Variants in CEP170 observed in about 807,000 individuals in gnomAD.
CEP170 encodes centrosomal protein 170, also known as centrosomal protein of 170 kDa.
Under a neutral mutation model 151.9 loss-of-function variants are expected in CEP170, and 21 were observed. That is an observed-to-expected ratio of 0.14 (90% CI 0.10 to 0.20). The LOEUF is 0.20. Ranked by LOEUF, CEP170 falls within the 10% of genes least tolerant of loss-of-function variation. CEP170 has a pLI of 1.00. For synonymous variants in CEP170, 356 were observed against 648.8 expected (o/e 0.55, Z 6.86); for missense variants, 964 against 1,892.9 (o/e 0.51, Z 9.11).
At chr1:243,226,981 C>T (rs1413194710) in intron 1 of CEP170, among the ~76,000 whole-genome samples, 1 of 152,140 alleles carries the variant, frequency 6.6e-6, no homozygotes, top group Non-Finnish European at 1.5e-5. Flanking sequence ...AGGAGTGAAA[C>T]TCCGTCTCAA....
At position 243,185,330 on chromosome 1, in the gene CEP170, G is replaced by A. The variant is rs1224641552; in HGVS notation, c.1566+449C>T. ...AGAAAACATACGGACAAAGAACAAA[G>A]CTAAAATAAGTATTTTCATCTTCCA... On this transcript the variant is annotated intron_variant, in intron 10 of 19. Coordinates refer to ENST00000366542, the MANE Select transcript of CEP170 (RefSeq NM_014812.3). This position sits in a 1 kb window ranked among gnomAD's most constrained non-coding sequence, Gnocchi z 4.9. Among the ~76,000 whole-genome samples the A allele has an allele frequency of 2.0e-5, 3 of 152,106 alleles. No individual in the cohort carries two copies. The East Asian group carries it at 5.8e-4, about 29-fold the overall frequency.
At chr1:243,178,309 A>G (rs944780118) in intron 10 of CEP170, among the ~76,000 whole-genome samples, 1 of 58,852 alleles carries the variant, frequency 1.7e-5, no homozygotes, top group Non-Finnish European at 4.4e-5. Context: ...ACTCTGCCTC[A>G]AAAAAAAAAA....
chr1:243,214,871 C>T (rs1306030305), intron 3 of CEP170, among the ~76,000 whole-genome samples: 1 of 151,788 alleles, frequency 6.6e-6, no homozygotes, highest in Non-Finnish European at 1.5e-5. Flanking sequence ...TTTTAATTAC[C>T]CTTTTATTTT....
In CEP170 at chr1:243,126,596, A is replaced by C. The variant is rs1391907781; in HGVS notation, c.4608T>G (p.Leu1536=). Residue 1536 remains leucine (L), a synonymous_variant, in exon 20 of 20, where the codon CTT becomes CTG. Coordinates refer to ENST00000366542, the MANE Select transcript of CEP170 (RefSeq NM_014812.3). The part of the protein sequence containing the change: ...NHHSPGQTPT[L]GQPEARALHP... The stretch of plus-strand genomic sequence containing the variant: ...GAAGAGCCCTAGCTTCTGGTTGGCC[A>C]AGTGTTGGTGTCTGACCCGGGCTGT... The C allele has an allele frequency of 6.3e-7, 1 of 1,575,286 alleles. No homozygotes were observed. Among genetic ancestry groups the C allele is most frequent in the African/African-American group, 1.4e-5 (1 of 74,070 alleles).
At chr1:243,220,355 TGA>T (rs1460480487) in intron 3 of CEP170, among the ~76,000 whole-genome samples, 1 of 151,824 alleles carries the variant, frequency 6.6e-6, no homozygotes, top group Non-Finnish European at 1.5e-5. Context: ...ATGCTAAATG[TGA>T]GAGTTTTCAG....
intron 13 of CEP170, among the ~76,000 whole-genome samples, chr1:243,160,346 T>G (rs2057965250): frequency 6.6e-6 from 1 of 152,112 alleles, no homozygotes; most frequent in Admixed American, 6.6e-5. Flanking sequence ...AGCATATATA[T>G]TAAAATGAAA....
chr1:243,128,358 C>T, intron 18 of CEP170, 58 bp from the exon 19 acceptor site: 1 of 1,452,830 alleles, frequency 6.9e-7, no homozygotes, highest in African/African-American at 1.4e-5. Context: ...TATCACTTTA[C>T]AAGCAATGAA....
At chr1:243,170,987 C>A (rs530325874) in intron 11 of CEP170, among the ~76,000 whole-genome samples, 1 of 152,130 alleles carries the variant, frequency 6.6e-6, no homozygotes, top group Admixed American at 6.5e-5. Flanking sequence ...CTGACACACG[C>A]GTATGTAAAA....
intron 17 of CEP170, among the ~76,000 whole-genome samples, chr1:243,133,355 A>C (rs2054640013): frequency 6.6e-6 from 1 of 152,274 alleles, no homozygotes; most frequent in Non-Finnish European, 1.5e-5. Flanking sequence ...TCAATGAATG[A>C]ATGAGTCTGG....
At chr1:243,131,588 A>C (rs2054420205) in intron 17 of CEP170, among the ~76,000 whole-genome samples, 1 of 152,024 alleles carries the variant, frequency 6.6e-6, no homozygotes, top group Non-Finnish European at 1.5e-5. Flanking sequence ...TTATGAAATA[A>C]ACTTTACTAT....
chr1:243,154,542 T>G (rs904097797), intron 14 of CEP170, among the ~76,000 whole-genome samples: 1 of 152,212 alleles, frequency 6.6e-6, no homozygotes, highest in African/African-American at 2.4e-5. Context: ...CTTTGAGATA[T>G]ATAGCTAGAA....
intron 16 of CEP170, among the ~76,000 whole-genome samples, chr1:243,136,729 G>T (rs1461577666): frequency 6.6e-6 from 1 of 152,170 alleles, no homozygotes; most frequent in Non-Finnish European, 1.5e-5. Context: ...TTTATACTGG[G>T]TGTTGGTATT....
At chr1:243,218,201 C>G (rs185049254) in intron 3 of CEP170, among the ~76,000 whole-genome samples, 1 of 152,336 alleles carries the variant, frequency 6.6e-6, no homozygotes, top group Non-Finnish European at 1.5e-5. Flanking sequence ...AGACCATTCT[C>G]TACTCTATAC....
At chr1:243,253,564 A>T (rs1297123031) in intron 1 of CEP170, among the ~76,000 whole-genome samples, 1 of 152,250 alleles carries the variant, frequency 6.6e-6, no homozygotes, top group Non-Finnish European at 1.5e-5. Flanking sequence ...TTTTTAAAAA[A>T]TAATAACAGA....
intron 3 of CEP170, among the ~76,000 whole-genome samples, chr1:243,216,472 A>G (rs2062309920): frequency 6.9e-6 from 1 of 144,752 alleles, no homozygotes; most frequent in Admixed American, 7.4e-5. Context: ...TTTTGCTTTT[A>G]TCATCTTCTA....
At position 243,231,370 on chromosome 1, in the gene CEP170, A is replaced by C. The variant is rs1378559667; in HGVS notation, c.-41-6049T>G. On this transcript the variant is annotated intron_variant, in intron 1 of 19. Transcript: ENST00000366542. The stretch of plus-strand genomic sequence containing the variant: ...AGACAGTAACTTAAAACTGTGAAAA[A>C]AATTTTTAAAACCACTGATAAAGGT... Among the ~76,000 whole-genome samples the C allele has an allele frequency of 2.0e-5, 3 of 152,126 alleles. No individual in the cohort carries two copies. The East Asian group carries it at 5.8e-4, about 29-fold the overall frequency.
intron 16 of CEP170, among the ~76,000 whole-genome samples, chr1:243,138,105 TTA>T (rs1401069295): frequency 6.6e-6 from 1 of 152,168 alleles, no homozygotes; most frequent in Non-Finnish European, 1.5e-5. Context: ...CTCATGAAGT[TTA>T]GTTTGTTGTC....
chr1:243,201,651 A>G (rs1372987375), intron 4 of CEP170, among the ~76,000 whole-genome samples: 4 of 151,316 alleles, frequency 2.6e-5, no homozygotes, highest in African/African-American at 9.8e-5. Context: ...TACTTGGGGG[A>G]AAAAGATGAC....
chr1:243,160,641 T>C (rs1339296824), intron 13 of CEP170, among the ~76,000 whole-genome samples: 1 of 152,150 alleles, frequency 6.6e-6, no homozygotes. Flanking sequence ...TGCATCTTCA[T>C]ACAATATCAG....
Sources: allele counts gnomAD v4.1 joint callset (sites outside exome capture counted in the v4.1 genomes callset), GRCh38; gene constraint gnomAD v4.1.1; non-coding constraint Gnocchi (gnomAD v3.1); transcripts MANE v1.5; gene names NCBI Gene and HGNC (gene_info 2026-07-23, HGNC 2026-07-21).